The following NALF1 variants were observed in gnomAD, a reference collection of about 807,000 sequenced individuals.
NALF1 encodes the protein family with sequence similarity 155 member A.
In NALF1, 3 loss-of-function variants were observed where a neutral mutation model predicts 48.4. The ratio of observed to expected loss-of-function variants is 0.06; its 90% CI spans 0.03 to 0.16. The LOEUF is 0.16. Ranked by LOEUF, NALF1 falls within the 10% of genes least tolerant of loss-of-function variation. The pLI is 1.00. For synonymous variants in NALF1, 262 were observed against 245.7 expected, an observed-to-expected ratio of 1.07 and a Z score of -0.62; for missense variants, 526 against 571.5, an observed-to-expected ratio of 0.92 and a Z score of 0.81.
intron 1 of NALF1, among the ~76,000 whole-genome samples, chr13:107,811,451 T>A (rs538258101): frequency 6.4e-4 from 98 of 152,328 alleles, no homozygotes; most frequent in African/African-American, 2.2e-3. Context: ...TACAGTTCTA[T>A]ATCTTACATT....
At chr13:107,331,530 C>T (rs1343261026) in intron 1 of NALF1, among the ~76,000 whole-genome samples, 1 of 152,044 alleles carries the variant, frequency 6.6e-6, no homozygotes, top group Admixed American at 6.6e-5. Context: ...TGGTTTTTAC[C>T]ATAAAAGTGA....
At chr13:107,435,367 G>A (rs374885036) in intron 1 of NALF1, among the ~76,000 whole-genome samples, 58 of 152,010 alleles carry the variant, frequency 3.8e-4, no homozygotes, top group African/African-American at 7.0e-4. Context: ...CCCAAATGAC[G>A]TCAGCGTCAG....
At chr13:107,601,377 A>G (rs1594153066) in intron 1 of NALF1, among the ~76,000 whole-genome samples, 3 of 152,286 alleles carry the variant, frequency 2.0e-5, no homozygotes, top group South Asian at 2.1e-4. Flanking sequence ...AGAATTGTGG[A>G]CATTGGGCTG....
At chr13:107,671,588 C>T (rs1030594789) in intron 1 of NALF1, among the ~76,000 whole-genome samples, 2 of 151,900 alleles carry the variant, frequency 1.3e-5, no homozygotes, top group East Asian at 1.9e-4. Flanking sequence ...GACTGATGAA[C>T]GTTACATAAA....
intron 1 of NALF1, among the ~76,000 whole-genome samples, chr13:107,714,626 T>TTA (rs1555320362): frequency 2.4e-5 from 3 of 126,474 alleles, no homozygotes; most frequent in African/African-American, 5.8e-5. Context: ...GAGGCTTTAT[T>TTA]AAAAAAAAAA....
rs969154268 is a variant in NALF1, at chr13:107,562,276, T to C, written c.915+303406A>G. Among the ~76,000 whole-genome samples the C allele has an allele frequency of 1.1e-4, 17 of 152,196 alleles. 1 individual carries two copies. The highest frequency in any genetic ancestry group is 4.1e-4 in the South Asian group (2 of 4,822). ...ATTCTGTAACACAGGCTATTTTGAA[T>C]GAGTCTTATGCTAGCATCTGTGCAG... On this transcript the variant is annotated intron_variant, in intron 1 of 2. Coordinates refer to ENST00000375915, the MANE Select transcript of NALF1 (RefSeq NM_001080396.3).
chr13:107,865,661 G>A, intron 1 of NALF1, 21 bp downstream of exon 1: 1 of 1,603,888 alleles, frequency 6.2e-7, no homozygotes, highest in Non-Finnish European at 8.5e-7. Context: ...AGGAAAGGGG[G>A]AAACCCCCGA....
At chr13:107,289,730 G>C (rs1881576691) in intron 1 of NALF1, among the ~76,000 whole-genome samples, 1 of 152,134 alleles carries the variant, frequency 6.6e-6, no homozygotes, top group Non-Finnish European at 1.5e-5. Flanking sequence ...GCCATTTGGG[G>C]ATAAAACGAG....
chr13:107,679,764 A>G (rs899252968), intron 1 of NALF1, among the ~76,000 whole-genome samples: 1 of 152,154 alleles, frequency 6.6e-6, no homozygotes, highest in Non-Finnish European at 1.5e-5. Flanking sequence ...CTAGGGGGAA[A>G]AGATGGATCT....
At chr13:107,780,524 G>A (rs1180059062) in intron 1 of NALF1, among the ~76,000 whole-genome samples, 1 of 149,738 alleles carries the variant, frequency 6.7e-6, no homozygotes, top group Non-Finnish European at 1.5e-5. Context: ...TTTTTAAGAC[G>A]CAGTCTCACT....
At chr13:107,731,235 G>A (rs1487345376) in intron 1 of NALF1, among the ~76,000 whole-genome samples, 1 of 151,960 alleles carries the variant, frequency 6.6e-6, no homozygotes, top group African/African-American at 2.4e-5. Flanking sequence ...TGATTAAAAT[G>A]GTATCTTTTT....
intron 1 of NALF1, among the ~76,000 whole-genome samples, chr13:107,595,368 C>T (rs1238031490): frequency 6.6e-6 from 1 of 151,996 alleles, no homozygotes; most frequent in African/African-American, 2.4e-5. Flanking sequence ...TTCTCTTGTC[C>T]ATAAATTTTA....
At chr13:107,377,696 G>A (rs1041286908) in intron 1 of NALF1, among the ~76,000 whole-genome samples, 1 of 152,200 alleles carries the variant, frequency 6.6e-6, no homozygotes, top group Non-Finnish European at 1.5e-5. Flanking sequence ...AAAGGGACTG[G>A]AGAATGCCAG....
intron 1 of NALF1, among the ~76,000 whole-genome samples, chr13:107,731,449 T>C (rs766308542): frequency 6.6e-6 from 1 of 152,144 alleles, no homozygotes; most frequent in African/African-American, 2.4e-5. Context: ...GTTTGTTATA[T>C]AGGTAAACTT....
intron 1 of NALF1, among the ~76,000 whole-genome samples, chr13:107,596,659 C>T (rs1175543218): frequency 2.0e-5 from 3 of 151,688 alleles, no homozygotes; most frequent in Admixed American, 6.6e-5. Context: ...CATCACACAC[C>T]GGGGCCCTGT....
intron 1 of NALF1, among the ~76,000 whole-genome samples, chr13:107,854,122 A>G (rs1880384637): frequency 6.6e-6 from 1 of 152,372 alleles, no homozygotes; most frequent in East Asian, 1.9e-4. Context: ...AGGCACACTG[A>G]ATAAAAACGA....
At chr13:107,428,485 C>T (rs150363994) in intron 1 of NALF1, among the ~76,000 whole-genome samples, 2 of 152,214 alleles carry the variant, frequency 1.3e-5, no homozygotes, top group Admixed American at 1.3e-4. Flanking sequence ...ATAATTTGAG[C>T]AGTGTATGTG....
intron 1 of NALF1, among the ~76,000 whole-genome samples, chr13:107,436,139 G>GT (rs1357113316): frequency 6.6e-6 from 1 of 152,170 alleles, no homozygotes; most frequent in Non-Finnish European, 1.5e-5. Context: ...TATTTCTTCT[G>GT]TAAGTCATTT....
chr13:107,329,751 C>T (rs1049322306), intron 1 of NALF1, among the ~76,000 whole-genome samples: 6 of 150,568 alleles, frequency 4.0e-5, no homozygotes, highest in South Asian at 2.1e-4. Flanking sequence ...TGAGAACATG[C>T]GGTGTTTGGC....
Sources: allele counts gnomAD v4.1 joint callset (sites outside exome capture counted in the v4.1 genomes callset), GRCh38; gene constraint gnomAD v4.1.1; transcripts MANE v1.5; gene names NCBI Gene and HGNC (gene_info 2026-07-23, HGNC 2026-07-21).